The following KIAA1549L variants were observed in gnomAD, a reference collection of about 807,000 sequenced individuals.
KIAA1549L encodes KIAA1549 like, also known as UPF0606 protein KIAA1549L.
A neutral mutation model predicts 160.7 loss-of-function variants in KIAA1549L; 88 were observed. The ratio of observed to expected loss-of-function variants is 0.55; its 90% confidence interval spans 0.46 to 0.65. The LOEUF is 0.65. KIAA1549L is among the 30% of genes least tolerant of loss of function. KIAA1549L has a pLI of 0.00. For missense variants in KIAA1549L, 2,258 were observed against 2,437.5 expected, an observed-to-expected ratio of 0.93 and a Z score of 1.55; for synonymous variants, 950 against 976.7, an observed-to-expected ratio of 0.97 and a Z score of 0.51.
intron 1 of KIAA1549L, among the ~76,000 whole-genome samples, chr11:33,404,986 C>T (rs1314049070): frequency 3.2e-4 from 41 of 129,586 alleles, no homozygotes; most frequent in African/African-American, 1.1e-3. Context: ...CCAGCCTGGG[C>T]GACAGAGTGA....
intron 1 of KIAA1549L, among the ~76,000 whole-genome samples, chr11:33,464,514 G>T (rs146967921): frequency 7.5e-6 from 1 of 132,492 alleles, no homozygotes; most frequent in African/African-American, 2.8e-5. Flanking sequence ...GTGTGTGTGC[G>T]TGCGCGCATG....
At chr11:33,496,324 C>T (rs187844678) in intron 1 of KIAA1549L, among the ~76,000 whole-genome samples, 14 of 152,260 alleles carry the variant, frequency 9.2e-5, no homozygotes, top group African/African-American at 3.4e-4. Flanking sequence ...AGTCACAGGA[C>T]TTCCTGATAA....
chr11:33,612,395 G>A (rs1310438985), intron 15 of KIAA1549L, among the ~76,000 whole-genome samples: 2 of 152,210 alleles, frequency 1.3e-5, no homozygotes, highest in Admixed American at 6.5e-5. Flanking sequence ...TCCAGAGGTA[G>A]CATCAGTGTA....
chr11:33,633,426 A>T (rs1001388773), intron 16 of KIAA1549L, among the ~76,000 whole-genome samples: 10 of 152,024 alleles, frequency 6.6e-5, no homozygotes, highest in African/African-American at 1.9e-4. Context: ...TTAGACACAG[A>T]TAGAGTGACA....
intron 1 of KIAA1549L, among the ~76,000 whole-genome samples, chr11:33,396,941 C>T: frequency 6.8e-6 from 1 of 146,768 alleles, no homozygotes; most frequent in Non-Finnish European, 1.5e-5. Context: ...CAAAGTGAGA[C>T]TCTGTGTCCA....
At chr11:33,666,054 T>G (rs1315210583) in intron 20 of KIAA1549L, among the ~76,000 whole-genome samples, 1 of 151,966 alleles carries the variant, frequency 6.6e-6, no homozygotes, top group South Asian at 2.1e-4. Flanking sequence ...GGTGGGGTGG[T>G]TGTAGCAGTA....
At chr11:33,405,615 G>A (rs1324879456) in intron 1 of KIAA1549L, among the ~76,000 whole-genome samples, 1 of 151,080 alleles carries the variant, frequency 6.6e-6, no homozygotes, top group Non-Finnish European at 1.5e-5. Flanking sequence ...AGGCCGAGGT[G>A]GGTGGATCAC....
At chr11:33,398,284 A>G (rs1850428049) in intron 1 of KIAA1549L, among the ~76,000 whole-genome samples, 1 of 152,078 alleles carries the variant, frequency 6.6e-6, no homozygotes, top group African/African-American at 2.4e-5. Flanking sequence ...TAAAAAAAAA[A>G]AAAAGGTAAC....
chr11:33,555,373 A>G (rs1854613128), intron 6 of KIAA1549L, among the ~76,000 whole-genome samples: 1 of 152,222 alleles, frequency 6.6e-6, no homozygotes, highest in South Asian at 2.1e-4. Context: ...AAAAGGAAGA[A>G]CGAAGTTGGA....
chr11:33,614,529 A>AGGCTATATATATATATAT lies in KIAA1549L; in HGVS notation c.5280-4004_5280-4003insGGCTATATATATATATAT, dbSNP rs1194353287. 1.3e-4 allele frequency among the ~76,000 whole-genome samples: 5 copies of AGGCTATATATATATATAT among 39,140 alleles called. 1 individual carries two copies. The highest frequency in any genetic ancestry group is 5.4e-4 in the Admixed American group (1 of 1,854). 25.7% of individuals were successfully genotyped at this position (39,140 alleles called of 152,430 possible). On this transcript the variant is annotated intron_variant, in intron 15 of 20. Coordinates refer to ENST00000658780, the MANE Select transcript of KIAA1549L (RefSeq NM_012194.3). ...TCCTCTTGGGATCTGTGAGTGTAAC[A>AGGCTATATATATATATAT]AGATATATATATATATATATATATA...
chr11:33,431,381 A>T (rs1456961633), intron 1 of KIAA1549L, among the ~76,000 whole-genome samples: 1 of 151,926 alleles, frequency 6.6e-6, no homozygotes, highest in Non-Finnish European at 1.5e-5. Flanking sequence ...GTCTGTTTTG[A>T]CAGGGCGCTG....
intron 13 of KIAA1549L, among the ~76,000 whole-genome samples, chr11:33,600,280 A>C (rs1449768948): frequency 6.6e-6 from 1 of 152,192 alleles, no homozygotes; most frequent in Non-Finnish European, 1.5e-5. Context: ...GACCACTAGA[A>C]ATCCTGCCAT....
chr11:33,634,824 C>G (rs1851395856), intron 16 of KIAA1549L, among the ~76,000 whole-genome samples: 1 of 152,126 alleles, frequency 6.6e-6, no homozygotes, highest in Non-Finnish European at 1.5e-5. Context: ...CTTTATATGT[C>G]TTTTCTACTG....
intron 9 of KIAA1549L, 119 bp from the exon 10 acceptor site, chr11:33,574,583 T>C: frequency 2.3e-6 from 2 of 862,054 alleles, no homozygotes; most frequent in Non-Finnish European, 3.5e-6. Flanking sequence ...TATGTGAAGG[T>C]TGGCGTCTAG....
In KIAA1549L at chr11:33,454,708, GC is replaced by G. The variant is rs145147758; in HGVS notation, c.238+77820del. Among the ~76,000 whole-genome samples the G allele has an allele frequency of 4.3e-3, 661 of 152,230 alleles. 3 individuals are homozygous for G. The highest frequency in any genetic ancestry group is 0.014 in the African/African-American group (598 of 41,550). ...AGAGGCATCCATCCTAATGTCTAAAGCAGTGCCATTGTCATAGAAGAGATGT... is the reference window on the plus strand; with the variant it reads ...AGAGGCATCCATCCTAATGTCTAAAGAGTGCCATTGTCATAGAAGAGATGT... On this transcript the variant is annotated intron_variant, in intron 1 of 20. Coordinates refer to ENST00000658780, the MANE Select transcript of KIAA1549L (RefSeq NM_012194.3).
chr11:33,519,102 G>T (rs1230690985), intron 1 of KIAA1549L, among the ~76,000 whole-genome samples: 1 of 152,088 alleles, frequency 6.6e-6, no homozygotes, highest in African/African-American at 2.4e-5. Flanking sequence ...TGGATGTTTT[G>T]AACATGAGAA....
chr11:33,625,564 A>G lies in KIAA1549L; in HGVS notation c.5409+6902A>G, dbSNP rs891661194. ...TGGCTGCATAAATGTCTTCTTTTGA[A>G]AAGTGTCTGTTCATGTCCTTTGCCC... On this transcript the variant is annotated intron_variant, in intron 16 of 20. Coordinates refer to ENST00000658780, the MANE Select transcript of KIAA1549L (RefSeq NM_012194.3). Among the ~76,000 whole-genome samples, 723 of 152,150 alleles carry G rather than the reference A, an allele frequency of 4.8e-3. 3 individuals carry two copies. The highest frequency in any genetic ancestry group is 8.0e-3 in the Non-Finnish European group (547 of 67,958).
At position 33,670,889 on chromosome 11, in the gene KIAA1549L, CA is replaced by C. The variant is rs1234796554; in HGVS notation, c.*2736del. ...AAGTGGAGTGACTGGCCCAGTGATT[CA>C]GTCCCAACCTCCTGGTTCACGAACC... is the stretch of plus-strand genomic sequence containing the variant. On this transcript the variant is annotated 3_prime_UTR_variant, in exon 21 of 21. Transcript: ENST00000658780. 1 of 152,224 alleles carries C rather than the reference CA, an allele frequency of 6.6e-6. No homozygotes were observed. Among genetic ancestry groups the C allele is most frequent in the African/African-American group, 2.4e-5 (1 of 41,454 alleles). The allele number at this position is 152,224 out of a possible 1,614,324, so 9.4% of individuals were successfully genotyped here.
At chr11:33,659,045 GC>G (rs1341557688) in intron 19 of KIAA1549L, 147 bp downstream of exon 19, 1 of 876,694 alleles carries the variant, frequency 1.1e-6, no homozygotes, top group Non-Finnish European at 1.7e-6. Flanking sequence ...AACTTCAGGA[GC>G]CCCAACTAAA....
Sources: allele counts gnomAD v4.1 joint callset (sites outside exome capture counted in the v4.1 genomes callset), GRCh38; gene constraint gnomAD v4.1.1; transcripts MANE v1.5; gene names NCBI Gene and HGNC (gene_info 2026-07-23, HGNC 2026-07-21).